SAE1: variants seen among roughly 807,000 people sequenced by gnomAD.
SAE1 encodes the protein SUMO-activating enzyme subunit 1.
A neutral mutation model predicts 40.6 loss-of-function variants in SAE1; 11 were observed. That is an observed-to-expected ratio of 0.27 (90% CI 0.17 to 0.45). The LOEUF (loss-of-function observed/expected upper bound fraction) is 0.45. Ranked by LOEUF, SAE1 falls within the 20% of genes least tolerant of loss-of-function variation. The pLI is 1.00. For missense variants in SAE1, 373 were observed against 427.3 expected (o/e 0.87, Z 1.12); for synonymous variants, 155 against 154.3 (o/e 1.00, Z -0.03).
chr19:47,154,507 T>C (rs995529311), intron 4 of SAE1, among the ~76,000 whole-genome samples: 8 of 128,682 alleles, frequency 6.2e-5, no homozygotes, highest in African/African-American at 2.2e-4. Context: ...TTTTTTTTTT[T>C]TTTCTGAGAC....
chr19:47,149,821 T>G (rs2058276514), intron 2 of SAE1, among the ~76,000 whole-genome samples: 1 of 152,126 alleles, frequency 6.6e-6, no homozygotes, highest in Admixed American at 6.6e-5. Flanking sequence ...TTCATGCCTG[T>G]AATCTCAGCA....
At chr19:47,200,096 A>C (rs965013436) in intron 7 of SAE1, among the ~76,000 whole-genome samples, 1 of 151,284 alleles carries the variant, frequency 6.6e-6, no homozygotes, top group African/African-American at 2.4e-5. Flanking sequence ...ACGCCCAGCT[A>C]ATTTTTTTTG....
At chr19:47,196,706 A>G (rs998943437) in intron 6 of SAE1, among the ~76,000 whole-genome samples, 2 of 151,592 alleles carry the variant, frequency 1.3e-5, no homozygotes, top group Admixed American at 1.3e-4. Flanking sequence ...GAAAGCTTCC[A>G]CTGCTTTCTG....
At chr19:47,196,333 C>CTTTTTTT (rs61498882) in intron 6 of SAE1, among the ~76,000 whole-genome samples, 2 of 27,888 alleles carry the variant, frequency 7.2e-5, no homozygotes, top group African/African-American at 2.0e-4. Flanking sequence ...CCGCGCCTGG[C>CTTTTTTT]TTTTTTTTTT....
chr19:47,155,005 C>G, intron 4 of SAE1, 109 bp from the exon 5 acceptor site: 1 of 705,130 alleles, frequency 1.4e-6, no homozygotes, highest in Admixed American at 2.2e-5. Flanking sequence ...GACTCCAAAG[C>G]TTTTGCCCTT....
chr19:47,141,438 G>A (rs1176687170), intron 1 of SAE1, among the ~76,000 whole-genome samples: 4 of 152,082 alleles, frequency 2.6e-5, no homozygotes, highest in Admixed American at 6.6e-5. Flanking sequence ...CACCGGGCCC[G>A]GCTGAATAAT....
intron 8 of SAE1, among the ~76,000 whole-genome samples, chr19:47,207,189 C>T (rs548596622): frequency 1.3e-5 from 2 of 152,158 alleles, no homozygotes; most frequent in East Asian, 3.9e-4. Context: ...TGCAGTAAGC[C>T]GAGAATGTGC....
chr19:47,163,756 G>T (rs1486176596), intron 5 of SAE1, among the ~76,000 whole-genome samples: 3 of 152,062 alleles, frequency 2.0e-5, no homozygotes, highest in Non-Finnish European at 4.4e-5. Context: ...AAGTATATGG[G>T]AGGATGCACG....
chr19:47,143,381 A>C, intron 1 of SAE1, 113 bp from the exon 2 acceptor site: 1 of 751,966 alleles, frequency 1.3e-6, no homozygotes, highest in Non-Finnish European at 2.3e-6. Flanking sequence ...CTGGGATTAC[A>C]GGCATGAGCC....
chr19:47,176,668 A>G (rs759696218), intron 6 of SAE1, among the ~76,000 whole-genome samples: 21 of 152,238 alleles, frequency 1.4e-4, no homozygotes, highest in Middle Eastern at 3.4e-3. Context: ...TTATTGCCCC[A>G]TTCACAATTC....
chr19:47,164,309 C>T (rs960629393), intron 5 of SAE1, among the ~76,000 whole-genome samples: 2 of 152,044 alleles, frequency 1.3e-5, no homozygotes, highest in Non-Finnish European at 2.9e-5. Context: ...GCTGGGACTA[C>T]AGACACCCGC....
intron 1 of SAE1, among the ~76,000 whole-genome samples, chr19:47,134,069 G>C (rs2058164102): frequency 6.6e-6 from 1 of 151,940 alleles, no homozygotes; most frequent in South Asian, 2.1e-4. Flanking sequence ...CACCGTGTTG[G>C]TCAGGCTGGT....
Position 47,132,510 on chromosome 19 carries a change from A to G in SAE1, c.98+1482A>G, listed in dbSNP as rs146733831. 3.8e-3 allele frequency among the ~76,000 whole-genome samples: 580 copies of G among 150,844 alleles called. 5 individuals are homozygous for G. The highest frequency in any genetic ancestry group is 0.013 in the African/African-American group (553 of 41,024). ...CAAGCTCAAGCGATCCTCGGCCTCA[A>G]GAGATCTCCCCCCATCTCAGACTCC... On this transcript the variant is annotated intron_variant, in intron 1 of 8. Transcript: ENST00000270225.
chr19:47,203,296 T>C (rs2058665636), intron 7 of SAE1, among the ~76,000 whole-genome samples: 1 of 152,146 alleles, frequency 6.6e-6, no homozygotes, highest in African/African-American at 2.4e-5. Flanking sequence ...GGGAATAGCA[T>C]ATAGAACCCA....
At chr19:47,203,124 G>C (rs770500654) in intron 7 of SAE1, among the ~76,000 whole-genome samples, 1 of 152,138 alleles carries the variant, frequency 6.6e-6, no homozygotes. Flanking sequence ...GCAGGTGACT[G>C]TGTCATCTAA....
intron 3 of SAE1, among the ~76,000 whole-genome samples, chr19:47,151,942 G>A (rs1432219282): frequency 6.6e-6 from 1 of 152,170 alleles, no homozygotes; most frequent in African/African-American, 2.4e-5. Context: ...GACTCTGCAG[G>A]GTTCCATTTG....
intron 5 of SAE1, among the ~76,000 whole-genome samples, chr19:47,163,766 G>A (rs1255989949): frequency 1.3e-5 from 2 of 152,116 alleles, no homozygotes; most frequent in Non-Finnish European, 2.9e-5. Context: ...GAGGATGCAC[G>A]TAGAGTATAT....
intron 6 of SAE1, among the ~76,000 whole-genome samples, chr19:47,178,989 C>T (rs566010482): frequency 1.1e-4 from 17 of 151,270 alleles, no homozygotes; most frequent in East Asian, 5.9e-4. Context: ...GTCAGGAGAT[C>T]GAGACCATCC....
In SAE1 at chr19:47,187,020, A is replaced by AG. The variant is rs761680416; in HGVS notation, c.734-10206dup. On this transcript the variant is annotated intron_variant, in intron 6 of 8. Coordinates refer to ENST00000270225, the MANE Select transcript of SAE1 (RefSeq NM_005500.3). ...CACAGCTAGCATAGGGTAGGGGTGG[A>AG]GGGGGGGTGCTCAGGAAGTGATTTT... is the stretch of plus-strand genomic sequence containing the variant. Among the ~76,000 whole-genome samples the AG allele has an allele frequency of 1.6e-4, 25 of 152,162 alleles. No individual in the cohort carries two copies. In the South Asian group the frequency reaches 2.5e-3, roughly 15 times the overall value.
Sources: gnomAD v4.1 joint callset for allele counts (sites outside exome capture counted in the v4.1 genomes callset) on GRCh38, gnomAD v4.1.1 for gene constraint, MANE v1.5 for transcripts, NCBI Gene and HGNC (gene_info 2026-07-23, HGNC 2026-07-21) for gene names.